PCDH11X: variants seen among roughly 807,000 people sequenced by gnomAD.
The protein encoded by PCDH11X is protocadherin 11 X-linked.
A neutral mutation model predicts 53.3 loss-of-function variants in PCDH11X; 18 were observed. The observed-to-expected ratio is 0.34, with a 90% CI of 0.23 to 0.50. The LOEUF is 0.50. Ranked by LOEUF, PCDH11X falls within the 20% of genes least tolerant of loss-of-function variation. PCDH11X has a pLI of 0.98. For missense variants in PCDH11X, 570 were observed against 1,032.4 expected (o/e 0.55, Z 6.14); for synonymous variants, 279 against 393.3 (o/e 0.71, Z 3.44).
intron 4 of PCDH11X, among the ~76,000 whole-genome samples, chrX:91,832,398 A>AGC (rs1174933613): frequency 9.4e-6 from 1 of 106,790 alleles, no homozygotes; most frequent in African/African-American, 3.4e-5. Flanking sequence ...CAAGGACAGA[A>AGC]AACCAAACAC....
intron 1 of PCDH11X, among the ~76,000 whole-genome samples, chrX:91,798,471 C>A (rs1268682573): frequency 3.6e-5 from 4 of 110,091 alleles, no homozygotes; most frequent in African/African-American, 6.6e-5. Flanking sequence ...CGCCTGTAAT[C>A]CCAGCTACTC....
At chrX:92,310,580 G>C (rs2068927667) in intron 8 of PCDH11X, among the ~76,000 whole-genome samples, 1 of 109,830 alleles carries the variant, frequency 9.1e-6, no homozygotes, top group South Asian at 3.9e-4. Flanking sequence ...GTAGAGATGG[G>C]GTTTCACCAT....
intron 6 of PCDH11X, among the ~76,000 whole-genome samples, chrX:92,013,093 C>T (rs1309621307): frequency 9.0e-6 from 1 of 111,314 alleles, no homozygotes; most frequent in East Asian, 2.9e-4. Flanking sequence ...GTCAAATTGT[C>T]CCTGTTTGCA....
intron 6 of PCDH11X, among the ~76,000 whole-genome samples, chrX:92,156,578 C>T (rs1027653540): frequency 5.4e-5 from 6 of 111,713 alleles, no homozygotes; most frequent in African/African-American, 1.3e-4. Flanking sequence ...TTCTTCCTAA[C>T]TAAAATCACT....
chrX:91,898,217 T>C (rs1003995067), intron 6 of PCDH11X, among the ~76,000 whole-genome samples: 5 of 109,008 alleles, frequency 4.6e-5, no homozygotes, highest in Admixed American at 9.9e-5. Context: ...CTAGATATCA[T>C]TGGTATCATA....
At chrX:91,823,836 C>G (rs1432292563) in intron 4 of PCDH11X, among the ~76,000 whole-genome samples, 1 of 110,895 alleles carries the variant, frequency 9.0e-6, no homozygotes, top group Non-Finnish European at 1.9e-5. Context: ...CCATATTTAG[C>G]GCTTCCTTCA....
At chrX:92,475,164 C>CA (rs761171281) in intron 10 of PCDH11X, among the ~76,000 whole-genome samples, 10,686 of 30,187 alleles carry the variant, frequency 0.35, 3,390 homozygotes, top group African/African-American at 0.52. Context: ...GACTCCGTCT[C>CA]AAAAAAAAAA....
chrX:92,269,254 C>T (rs954350919), intron 8 of PCDH11X, among the ~76,000 whole-genome samples: 4 of 111,583 alleles, frequency 3.6e-5, no homozygotes, highest in African/African-American at 1.3e-4. Flanking sequence ...GTTTGGAGTG[C>T]CAGTTTCCAA....
At chrX:92,592,455 G>A (rs1925128509) in intron 10 of PCDH11X, among the ~76,000 whole-genome samples, 1 of 110,447 alleles carries the variant, frequency 9.1e-6, no homozygotes, top group Admixed American at 9.7e-5. Flanking sequence ...TTCAAGGCCA[G>A]GCGCACTGGC....
At chrX:91,941,454 A>G (rs1235294544) in intron 6 of PCDH11X, among the ~76,000 whole-genome samples, 1 of 110,111 alleles carries the variant, frequency 9.1e-6, no homozygotes, top group Non-Finnish European at 1.9e-5. Context: ...AATAATACTA[A>G]TAGAGATCAA....
chrX:91,823,367 G>A (rs1936773589), intron 4 of PCDH11X, among the ~76,000 whole-genome samples: 1 of 110,841 alleles, frequency 9.0e-6, no homozygotes, highest in Non-Finnish European at 1.9e-5. Context: ...CCTGTATTGG[G>A]TGCATATATA....
At chrX:92,569,046 ATTG>A (rs1199262881) in intron 10 of PCDH11X, among the ~76,000 whole-genome samples, 1 of 111,655 alleles carries the variant, frequency 9.0e-6, no homozygotes, top group East Asian at 2.8e-4. Flanking sequence ...CTGGTTCATT[ATTG>A]TTATTTAAAT....
At chrX:92,170,688 C>T (rs1028411012) in intron 6 of PCDH11X, among the ~76,000 whole-genome samples, 1 of 109,047 alleles carries the variant, frequency 9.2e-6, no homozygotes, top group African/African-American at 3.3e-5. Flanking sequence ...ACCTTAAACT[C>T]CTGGGCTGGA....
At chrX:92,029,015 G>A (rs1292026204) in intron 6 of PCDH11X, among the ~76,000 whole-genome samples, 1 of 109,214 alleles carries the variant, frequency 9.2e-6, no homozygotes, top group Admixed American at 9.9e-5. Flanking sequence ...TTTTTGTTGG[G>A]CCAGAAGGAT....
chrX:92,243,676 C>T (rs1322672476), intron 7 of PCDH11X, among the ~76,000 whole-genome samples: 1 of 111,236 alleles, frequency 9.0e-6, no homozygotes, highest in Non-Finnish European at 1.9e-5. Context: ...GGTCTTGATA[C>T]CACCAACAGT....
chrX:92,398,090 G>A (rs752624184), intron 9 of PCDH11X, among the ~76,000 whole-genome samples: 2 of 111,668 alleles, frequency 1.8e-5, no homozygotes, highest in East Asian at 5.7e-4. Context: ...TTACATTTTT[G>A]CAAAACAGCT....
At chrX:92,048,232 T>G (rs2063319700) in intron 6 of PCDH11X, among the ~76,000 whole-genome samples, 1 of 90,921 alleles carries the variant, frequency 1.1e-5, no homozygotes, top group Non-Finnish European at 2.0e-5. Context: ...TATAAAGCTT[T>G]TCTTTTGAAA....
Position 91,931,535 on chromosome X carries a change from A to G in PCDH11X, c.3033+52262A>G, listed in dbSNP as rs2061384287. Among the ~76,000 whole-genome samples the G allele has an allele frequency of 9.9e-5, 11 of 111,105 alleles. No homozygotes were observed. In the South Asian group the frequency reaches 4.2e-3, roughly 42 times the overall value. Reference sequence around the variant, plus strand: ...TATGTGGACACTGACAGACTGCTCTATTGAAGGGCTTCAGGTGAAGGTTAC... The same window carrying G: ...TATGTGGACACTGACAGACTGCTCTGTTGAAGGGCTTCAGGTGAAGGTTAC... On this transcript the variant is annotated intron_variant, in intron 6 of 10. Transcript: ENST00000682573.
At chrX:91,864,753 A>G (rs1424442436) in intron 5 of PCDH11X, among the ~76,000 whole-genome samples, 3 of 108,691 alleles carry the variant, frequency 2.8e-5, no homozygotes, top group Non-Finnish European at 5.7e-5. Flanking sequence ...CCCTGTCTTC[A>G]AGCTCACTAA....
Sources: gnomAD v4.1 joint callset for allele counts (sites outside exome capture counted in the v4.1 genomes callset) on GRCh38, gnomAD v4.1.1 for gene constraint, MANE v1.5 for transcripts, NCBI Gene and HGNC (gene_info 2026-07-23, HGNC 2026-07-21) for gene names.